AKT3: variants seen among roughly 807,000 people sequenced by gnomAD.
AKT3 encodes the protein RAC-gamma serine/threonine-protein kinase.
AKT3 carries 15 observed loss-of-function variants against 65.3 expected under a neutral mutation model. That is an observed-to-expected ratio of 0.23 (90% confidence interval 0.15 to 0.35). The LOEUF (loss-of-function observed/expected upper bound fraction) is 0.35, where lower values mean the gene tolerates loss of function less well. AKT3 is among the 10% of genes least tolerant of loss of function. AKT3 has a pLI of 1.00. For synonymous variants in AKT3, 206 were observed against 183.8 expected (o/e 1.12, Z -0.98); for missense variants, 243 against 576.5 (o/e 0.42, Z 5.92).
At chr1:243,529,255 C>A (rs1245650639) in intron 12 of AKT3, among the ~76,000 whole-genome samples, 1 of 150,624 alleles carries the variant, frequency 6.6e-6, no homozygotes, top group African/African-American at 2.4e-5. Context: ...CTGCAGAGGT[C>A]TGTTTACTCT....
intron 4 of AKT3, among the ~76,000 whole-genome samples, chr1:243,649,311 A>ATG (rs1386931204): frequency 3.1e-4 from 18 of 58,410 alleles, no homozygotes; most frequent in East Asian, 1.2e-3. Context: ...TGTTATGTGT[A>ATG]TATGTGTGTG....
chr1:243,503,394 T>A lies in AKT3; in HGVS notation c.*1855A>T, dbSNP rs1019722598. ...TCATCCTACTTAGAAAGTCACTTGC[T>A]CTTTCATACAATGCAATCATAATAC... On this transcript the variant is annotated 3_prime_UTR_variant, in exon 14 of 14. Transcript: ENST00000673466. 27 of 123,546 alleles carry A rather than the reference T, an allele frequency of 2.2e-4. No individual in the cohort carries two copies. The highest frequency in any genetic ancestry group is 1.5e-3 in the African/African-American group (27 of 18,568). 7.7% of individuals were successfully genotyped at this position (123,546 alleles called of 1,614,324 possible). A position where few individuals can be genotyped will look rare whatever the true frequency, so the allele number is the denominator to read the frequency against.
chr1:243,722,824 C>A (rs1231629972), intron 2 of AKT3, among the ~76,000 whole-genome samples: 1 of 152,134 alleles, frequency 6.6e-6, no homozygotes, highest in Non-Finnish European at 1.5e-5. Flanking sequence ...CGTAAGAACC[C>A]TGTCTAGGAA....
At chr1:243,805,277 T>C (rs751936591) in intron 2 of AKT3, among the ~76,000 whole-genome samples, 8 of 152,056 alleles carry the variant, frequency 5.3e-5, no homozygotes, top group Non-Finnish European at 1.2e-4. Context: ...AGTTTGCCTC[T>C]CCTCCTTTCA....
chr1:243,592,078 G>A (rs1676266779), intron 8 of AKT3, among the ~76,000 whole-genome samples: 1 of 152,120 alleles, frequency 6.6e-6, no homozygotes, highest in South Asian at 2.1e-4. Flanking sequence ...GCTCACACGT[G>A]TAATCCCAGC....
Position 243,660,294 on chromosome 1 carries a change from G to T in AKT3, c.284+4478C>A, listed in dbSNP as rs189440592. ...GAGGTGTTTGTAGTATTCTCTGAGG[G>T]TAGTTTGTATTTCTGTGGGATCTGT... On this transcript the variant is annotated intron_variant, in intron 4 of 13. Transcript: ENST00000673466. Among the ~76,000 whole-genome samples, 440 of 152,200 alleles carry T rather than the reference G, an allele frequency of 2.9e-3. 1 individual carries two copies. Among genetic ancestry groups the T allele is most frequent in the Middle Eastern group, 6.8e-3 (2 of 294 alleles).
chr1:243,551,531 TC>T (rs1673064410), intron 11 of AKT3, among the ~76,000 whole-genome samples: 1 of 151,788 alleles, frequency 6.6e-6, no homozygotes, highest in East Asian at 1.9e-4. Flanking sequence ...GACTTAAAAA[TC>T]CAACTTTTTG....
Position 243,499,864 on chromosome 1 carries a change from C to A in AKT3, c.*5385G>T, listed in dbSNP as rs369079480. 1 of 1,380,760 alleles carries A rather than the reference C, an allele frequency of 7.2e-7. No individual in the cohort carries two copies. The highest frequency in any genetic ancestry group is 1.0e-6 in the Non-Finnish European group (1 of 978,566). The allele number at this position is 1,380,760 out of a possible 1,614,324, so 85.5% of individuals were successfully genotyped here. On this transcript the variant is annotated 3_prime_UTR_variant, in exon 14 of 14. Coordinates refer to ENST00000673466, the MANE Select transcript of AKT3 (RefSeq NM_005465.7). ...CTGGTTTAGACTTAATATGCCACAA[C>A]GCACCACGACCTTCCCAGGGTGACA... is the stretch of plus-strand genomic sequence containing the variant.
chr1:243,849,373 C>T (rs908045147), intron 1 of AKT3, among the ~76,000 whole-genome samples: 6 of 149,002 alleles, frequency 4.0e-5, no homozygotes, highest in Admixed American at 1.3e-4. Context: ...CGTTACCCAC[C>T]TCCCACACAC....
At chr1:243,618,797 G>T (rs367924535) in intron 6 of AKT3, among the ~76,000 whole-genome samples, 7 of 151,900 alleles carry the variant, frequency 4.6e-5, no homozygotes, top group African/African-American at 1.4e-4. Context: ...TATTACACAC[G>T]ATCTAAAGTT....
At chr1:243,568,088 G>A (rs1489822097) in intron 9 of AKT3, among the ~76,000 whole-genome samples, 1 of 152,146 alleles carries the variant, frequency 6.6e-6, no homozygotes, top group Admixed American at 6.5e-5. Flanking sequence ...CTGCGTAAAG[G>A]AGGAAGAAAA....
At chr1:243,775,143 G>C (rs533324675) in intron 2 of AKT3, among the ~76,000 whole-genome samples, 1 of 152,028 alleles carries the variant, frequency 6.6e-6, no homozygotes, top group African/African-American at 2.4e-5. Context: ...CATTACAGGC[G>C]TGAGCTACCG....
intron 13 of AKT3, among the ~76,000 whole-genome samples, chr1:243,506,625 G>C (rs1046936259): frequency 4.6e-5 from 7 of 152,184 alleles, no homozygotes; most frequent in Non-Finnish European, 1.0e-4. Flanking sequence ...GATCAAGCTG[G>C]CATTAGCCAA....
In AKT3 at chr1:243,500,612, A is replaced by G. The variant is rs1254510194; in HGVS notation, c.*4637T>C. On this transcript the variant is annotated 3_prime_UTR_variant, in exon 14 of 14. Coordinates refer to ENST00000673466, the MANE Select transcript of AKT3 (RefSeq NM_005465.7). ...ATACCGTGTTGTATCTGAGAATGAC[A>G]AACACTAAAGGCAAGGCTGCAGTTA... 3 of 229,780 alleles carry G rather than the reference A, an allele frequency of 1.3e-5. No homozygotes were observed. The highest frequency in any genetic ancestry group is 2.6e-5 in the Non-Finnish European group (3 of 115,880). The allele number at this position is 229,780 out of a possible 1,614,324, so 14.2% of individuals were successfully genotyped here. A position where few individuals can be genotyped will look rare whatever the true frequency, so the allele number is the denominator to read the frequency against.
At position 243,502,949 on chromosome 1, in the gene AKT3, G is replaced by C. The variant is rs1237361055; in HGVS notation, c.*2300C>G. On this transcript the variant is annotated 3_prime_UTR_variant, in exon 14 of 14. Transcript: ENST00000673466. ...TGTTCGGTGTCATGCTTTCCCTCTA[G>C]AGGAGTAAGTGCTCTGAACATCAGC... The C allele has an allele frequency of 1.7e-5, 4 of 233,188 alleles. No individual in the cohort carries two copies. The highest frequency in any genetic ancestry group is 3.4e-5 in the Non-Finnish European group (4 of 118,066). 14.4% of individuals were successfully genotyped at this position (233,188 alleles called of 1,614,324 possible).
At chr1:243,714,518 A>C (rs1269150951) in intron 2 of AKT3, among the ~76,000 whole-genome samples, 1 of 152,148 alleles carries the variant, frequency 6.6e-6, no homozygotes, top group Non-Finnish European at 1.5e-5. Context: ...ACCTGGTTTA[A>C]TTTTGTATTT....
chr1:243,663,372 T>C (rs12117580), intron 4 of AKT3, among the ~76,000 whole-genome samples: 84,329 of 150,818 alleles, frequency 0.56, 26,897 homozygotes, highest in Non-Finnish European at 0.72. Context: ...TGGGTGGACA[T>C]ATCAACAAAT....
At chr1:243,729,416 T>C (rs1687408649) in intron 2 of AKT3, among the ~76,000 whole-genome samples, 1 of 152,124 alleles carries the variant, frequency 6.6e-6, no homozygotes, top group African/African-American at 2.4e-5. Context: ...AATAAGAGCA[T>C]ATGCACTGAG....
intron 2 of AKT3, among the ~76,000 whole-genome samples, chr1:243,750,230 A>T (rs570303983): frequency 5.3e-5 from 8 of 152,200 alleles, no homozygotes; most frequent in Non-Finnish European, 8.8e-5. Context: ...ATTTGCCCCA[A>T]TTATTTCAAA....
Sources: allele counts gnomAD v4.1 joint callset (sites outside exome capture counted in the v4.1 genomes callset), GRCh38; gene constraint gnomAD v4.1.1; transcripts MANE v1.5; gene names NCBI Gene and HGNC (gene_info 2026-07-23, HGNC 2026-07-21).